MACROD2: variants seen among roughly 807,000 people sequenced by gnomAD.
The protein encoded by MACROD2 is mono-ADP ribosylhydrolase 2.
A neutral mutation model predicts 70.4 loss-of-function variants in MACROD2; 36 were observed. The ratio of observed to expected loss-of-function variants is 0.51; its 90% CI spans 0.39 to 0.68. The LOEUF is 0.68. Ranked by LOEUF, MACROD2 falls within the 30% of genes least tolerant of loss-of-function variation. The pLI, the probability that MACROD2 is intolerant of heterozygous loss-of-function variation, is 0.00. For missense variants in MACROD2, 496 were observed against 538.4 expected (o/e 0.92, Z 0.78); for synonymous variants, 172 against 178.8 (o/e 0.96, Z 0.30).
intron 3 of MACROD2, among the ~76,000 whole-genome samples, chr20:14,311,824 C>T (rs2082570195): frequency 6.6e-6 from 1 of 151,988 alleles, no homozygotes; most frequent in South Asian, 2.1e-4. Context: ...GGCCTGTATG[C>T]ATATCTTTGT....
At chr20:14,205,545 C>T (rs2081516246) in intron 3 of MACROD2, among the ~76,000 whole-genome samples, 1 of 152,190 alleles carries the variant, frequency 6.6e-6, no homozygotes, top group Non-Finnish European at 1.5e-5. Context: ...CATGCGGGCC[C>T]TTAGTCTGAC....
intron 8 of MACROD2, among the ~76,000 whole-genome samples, chr20:15,529,717 G>A (rs1212232175): frequency 6.6e-6 from 1 of 152,114 alleles, no homozygotes; most frequent in Non-Finnish European, 1.5e-5. Context: ...TGAATCAGAT[G>A]TTTGACACAG....
At chr20:14,325,112 C>T (rs1274737420) in intron 3 of MACROD2, 1 of 151,662 alleles carries the variant, frequency 6.6e-6, no homozygotes, top group African/African-American at 2.4e-5. Context: ...GCCATTCAGC[C>T]AGTTTTTTTT....
At chr20:15,176,630 C>T (rs949288207) in intron 5 of MACROD2, among the ~76,000 whole-genome samples, 1 of 152,120 alleles carries the variant, frequency 6.6e-6, no homozygotes, top group African/African-American at 2.4e-5. Flanking sequence ...TGTTCTGTCA[C>T]TCAATGGAGC....
At chr20:14,287,139 G>C (rs973745326) in intron 3 of MACROD2, among the ~76,000 whole-genome samples, 1 of 152,128 alleles carries the variant, frequency 6.6e-6, no homozygotes, top group Non-Finnish European at 1.5e-5. Context: ...CCCCAATGAG[G>C]CATGACCAAG....
intron 3 of MACROD2, among the ~76,000 whole-genome samples, chr20:14,490,605 T>G (rs2123099238): frequency 6.6e-6 from 1 of 152,324 alleles, no homozygotes; most frequent in South Asian, 2.1e-4. Context: ...TTTTTAAATC[T>G]TGTTTTAAAA....
At chr20:15,478,160 G>C (rs1033443534) in intron 7 of MACROD2, among the ~76,000 whole-genome samples, 1 of 152,198 alleles carries the variant, frequency 6.6e-6, no homozygotes, top group Non-Finnish European at 1.5e-5. Flanking sequence ...GGTTGTTACA[G>C]CAGCAGTAGG....
chr20:15,968,273 C>T (rs1003088861), intron 13 of MACROD2, among the ~76,000 whole-genome samples: 1 of 152,106 alleles, frequency 6.6e-6, no homozygotes, highest in Non-Finnish European at 1.5e-5. Context: ...TCTTCCACAA[C>T]CCTAAAAGCT....
intron 4 of MACROD2, among the ~76,000 whole-genome samples, chr20:14,641,478 T>G (rs1483700030): frequency 2.0e-5 from 3 of 152,234 alleles, no homozygotes; most frequent in Non-Finnish European, 4.4e-5. Context: ...AGGTTTTCAG[T>G]GTCCTTTGCC....
intron 15 of MACROD2, among the ~76,000 whole-genome samples, chr20:16,001,887 A>G (rs890609862): frequency 6.6e-6 from 1 of 152,046 alleles, no homozygotes; most frequent in Admixed American, 6.5e-5. Flanking sequence ...TAATATAGTC[A>G]ATATTTTACA....
At chr20:15,365,616 G>T (rs529913740) in intron 6 of MACROD2, among the ~76,000 whole-genome samples, 1 of 150,928 alleles carries the variant, frequency 6.6e-6, no homozygotes, top group Non-Finnish European at 1.5e-5. Flanking sequence ...AGCCGAGATC[G>T]CACCACTGCA....
At position 14,002,394 on chromosome 20, in the gene MACROD2, C is replaced by T. The variant is rs2052744256; in HGVS notation, c.153C>T (p.Gly51=). ...LSWKEEMKGK[G]QNDEENTQET... ...GGAAGGAGGAGATGAAGGGCAAGGG[C>T]CAAAATGATGGTAAGTTTCTCGGAA... The change falls in exon 2 of 18, where the codon GGC becomes GGT. Residue 51 remains glycine (G), a synonymous_variant. Coordinates refer to ENST00000684519, the MANE Select transcript of MACROD2 (RefSeq NM_001351661.2). The T allele has an allele frequency of 1.3e-6, 2 of 1,588,750 alleles. No individual in the cohort carries two copies. Among genetic ancestry groups the T allele is most frequent in the Non-Finnish European group, 1.7e-6 (2 of 1,166,934 alleles).
intron 8 of MACROD2, among the ~76,000 whole-genome samples, chr20:15,851,818 C>A (rs1234646594): frequency 6.6e-6 from 1 of 152,164 alleles, no homozygotes; most frequent in Admixed American, 6.5e-5. Context: ...TTCAGCAGAA[C>A]ACAGTCCTCT....
At chr20:15,593,499 A>G (rs533404618) in intron 8 of MACROD2, among the ~76,000 whole-genome samples, 7 of 152,184 alleles carry the variant, frequency 4.6e-5, no homozygotes, top group Non-Finnish European at 1.0e-4. Context: ...AAAGGCAGAC[A>G]TTATTGTTTT....
chr20:15,039,948 A>G (rs1009789950), intron 5 of MACROD2, among the ~76,000 whole-genome samples: 1 of 151,914 alleles, frequency 6.6e-6, no homozygotes, highest in Non-Finnish European at 1.5e-5. Context: ...TTCCTTCCAC[A>G]CCTTCCACTT....
At chr20:14,661,315 T>C (rs960449535) in intron 4 of MACROD2, among the ~76,000 whole-genome samples, 3 of 152,232 alleles carry the variant, frequency 2.0e-5, no homozygotes, top group African/African-American at 7.2e-5. Context: ...TTTTGAGCGT[T>C]TTTTCATATG....
intron 5 of MACROD2, among the ~76,000 whole-genome samples, chr20:15,212,442 G>A (rs192821971): frequency 3.9e-5 from 6 of 152,176 alleles, no homozygotes; most frequent in East Asian, 3.9e-4. Flanking sequence ...TTTTTTTGGC[G>A]CTTTGTTATA....
intron 4 of MACROD2, among the ~76,000 whole-genome samples, chr20:14,637,545 C>T (rs757653590): frequency 4.5e-4 from 69 of 152,222 alleles, no homozygotes; most frequent in Non-Finnish European, 2.2e-4. Context: ...TGTTCCCTGA[C>T]ACCCTGAAGC....
chr20:14,305,200 G>T (rs2082509546), intron 3 of MACROD2, among the ~76,000 whole-genome samples: 1 of 151,800 alleles, frequency 6.6e-6, no homozygotes. Flanking sequence ...ACCACTTTAG[G>T]GAGGATTTTC....
Sources: allele counts gnomAD v4.1 joint callset (sites outside exome capture counted in the v4.1 genomes callset), GRCh38; gene constraint gnomAD v4.1.1; transcripts MANE v1.5; gene names NCBI Gene and HGNC (gene_info 2026-07-23, HGNC 2026-07-21).